Variants in SMCO3 observed in about 807,000 individuals in gnomAD.
SMCO3 encodes the protein single-pass membrane and coiled-coil domain-containing protein 3.
SMCO3 carries 6 observed loss-of-function variants against 12.0 expected under a neutral mutation model. The ratio of observed to expected loss-of-function variants is 0.50; its 90% CI spans 0.27 to 0.99. SMCO3 has a LOEUF of 0.99. SMCO3 is among the 50% of genes least tolerant of loss of function. SMCO3 has a pLI of 0.11. For missense variants in SMCO3, 279 were observed against 265.0 expected (o/e 1.05, Z -0.37); for synonymous variants, 96 against 96.4 (o/e 1.00, Z 0.02).
chr12:14,814,061 AT>A (rs1950181639), intron 1 of SMCO3, 64 bp downstream of exon 1: 2 of 152,196 alleles, frequency 1.3e-5, no homozygotes, highest in South Asian at 2.1e-4. Flanking sequence ...GCTAATTCAA[AT>A]TCCTCCTACT....
chr12:14,810,057 A>G (rs1450709379), intron 1 of SMCO3, among the ~76,000 whole-genome samples: 1 of 152,200 alleles, frequency 6.6e-6, no homozygotes, highest in Non-Finnish European at 1.5e-5. Context: ...TCGTTCCAAT[A>G]ACGAGTTTGG....
chr12:14,808,050 C>G (rs1950080365), intron 1 of SMCO3, among the ~76,000 whole-genome samples: 1 of 152,090 alleles, frequency 6.6e-6, no homozygotes, highest in African/African-American at 2.4e-5. Flanking sequence ...CCTGTAATCC[C>G]AGCTACTCTG....
Position 14,805,928 on chromosome 12 carries a change from A to T in SMCO3, c.*75T>A, listed in dbSNP as rs1950040504. ...CCATATTGGAAGCCTATAGAAAATG[A>T]ACCTAATCAAAGAAGCAAACACTGT... On this transcript the variant is annotated 3_prime_UTR_variant, in exon 2 of 2. Coordinates refer to ENST00000316048, the MANE Select transcript of SMCO3 (RefSeq NM_001013698.2). 1 of 1,400,476 alleles carries T rather than the reference A, an allele frequency of 7.1e-7. No homozygotes were observed. The highest frequency in any genetic ancestry group is 9.7e-7 in the Non-Finnish European group (1 of 1,027,020). 86.8% of individuals were successfully genotyped at this position (1,400,476 alleles called of 1,614,324 possible).
chr12:14,811,102 T>A (rs1472472840), intron 1 of SMCO3, among the ~76,000 whole-genome samples: 2 of 152,238 alleles, frequency 1.3e-5, no homozygotes, highest in African/African-American at 4.8e-5. Context: ...ACCTATTGTA[T>A]GGTAAGTTTG....
intron 1 of SMCO3, among the ~76,000 whole-genome samples, chr12:14,808,829 A>G (rs1443750649): frequency 1.3e-5 from 2 of 152,214 alleles, no homozygotes; most frequent in African/African-American, 2.4e-5. Context: ...ACACATTTCC[A>G]CAAAACAATA....
intron 1 of SMCO3, among the ~76,000 whole-genome samples, chr12:14,808,394 G>A (rs184385878): frequency 2.0e-5 from 3 of 151,850 alleles, no homozygotes; most frequent in Admixed American, 2.0e-4. Flanking sequence ...TTACACTCTT[G>A]AGAGAAAAGA....
chr12:14,808,746 A>G (rs1387538876), intron 1 of SMCO3, among the ~76,000 whole-genome samples: 1 of 152,218 alleles, frequency 6.6e-6, no homozygotes, highest in African/African-American at 2.4e-5. Flanking sequence ...CCATGGTCAG[A>G]AATTAATTTT....
In SMCO3 at chr12:14,804,957, T is replaced by G. The variant is rs1565677392; in HGVS notation, c.*1046A>C. ...TTGTCAGTATAGACTAAAAGAGTCC[T>G]CATGGGAATTATTGGTTGGCAAAGG... On this transcript the variant is annotated 3_prime_UTR_variant, in exon 2 of 2. Transcript: ENST00000316048. The G allele has an allele frequency of 6.6e-6, 1 of 152,238 alleles. No homozygotes were observed. The highest frequency in any genetic ancestry group is 1.5e-5 in the Non-Finnish European group (1 of 68,050). 9.4% of individuals were successfully genotyped at this position (152,238 alleles called of 1,614,324 possible).
At position 14,805,738 on chromosome 12, in the gene SMCO3, A is replaced by G. The variant is rs774419774; in HGVS notation, c.*265T>C. On this transcript the variant is annotated 3_prime_UTR_variant, in exon 2 of 2. Coordinates refer to ENST00000316048, the MANE Select transcript of SMCO3 (RefSeq NM_001013698.2). ...CTACTCTACGATAGCATTTACCCCA[A>G]TGTTGATCTGGTAGAGCAGGGTGTG... 6 of 419,680 alleles carry G rather than the reference A, an allele frequency of 1.4e-5. No homozygotes were observed. The highest frequency in any genetic ancestry group is 9.1e-5 in the South Asian group (2 of 21,906). 26.0% of individuals were successfully genotyped at this position (419,680 alleles called of 1,614,324 possible). A position where few individuals can be genotyped will look rare whatever the true frequency, so the allele number is the denominator to read the frequency against.
intron 1 of SMCO3, among the ~76,000 whole-genome samples, chr12:14,810,811 C>A (rs1950124604): frequency 6.6e-6 from 1 of 152,162 alleles, no homozygotes; most frequent in Admixed American, 6.5e-5. Flanking sequence ...AGTATTTTCG[C>A]TATTGCCCTT....
chr12:14,811,927 A>G (rs1348757012), intron 1 of SMCO3, among the ~76,000 whole-genome samples: 2 of 152,230 alleles, frequency 1.3e-5, no homozygotes, highest in Non-Finnish European at 2.9e-5. Flanking sequence ...ATTAAAAGTG[A>G]ACGGTTTGGT....
chr12:14,809,905 G>T (rs1017290279), intron 1 of SMCO3, among the ~76,000 whole-genome samples: 1 of 152,166 alleles, frequency 6.6e-6, no homozygotes, highest in African/African-American at 2.4e-5. Flanking sequence ...GGTGGGAAAA[G>T]TTCAGTCTTA....
chr12:14,811,876 A>G (rs534179502), intron 1 of SMCO3, among the ~76,000 whole-genome samples: 74 of 152,322 alleles, frequency 4.9e-4, no homozygotes, highest in Non-Finnish European at 7.2e-4. Context: ...GGAGAATGCA[A>G]TATATGATTT....
At position 14,806,639 on chromosome 12, in the gene SMCO3, C is replaced by G. The variant is rs750630915; in HGVS notation, c.42G>C (p.Arg14Ser). Residue 14 changes from arginine to serine, a missense_variant, in exon 2 of 2, where the codon AGG (arginine) becomes AGC (serine). Arg to Ser is a moderately radical substitution (Grantham distance 110). Transcript: ENST00000316048. ...GGTGAAGACGATTTACTTCTTCCCG[C>G]CTTTTTGGGTTCTCTGGGTAAAGGA... The part of the protein sequence containing the change: ...SDFLYPENPK[R>S]REEVNRLHQQ... 4.3e-6 allele frequency: 7 copies of G among 1,610,524 alleles called. No homozygotes were observed. The highest frequency in any genetic ancestry group is 1.3e-5 in the African/African-American group (1 of 74,678).
intron 1 of SMCO3, among the ~76,000 whole-genome samples, chr12:14,810,347 T>C (rs1030119477): frequency 6.6e-6 from 1 of 152,144 alleles, no homozygotes; most frequent in African/African-American, 2.4e-5. Flanking sequence ...AGTGAAACCA[T>C]TGAATTGTGT....
chr12:14,809,476 T>C (rs978779724), intron 1 of SMCO3, among the ~76,000 whole-genome samples: 2 of 152,066 alleles, frequency 1.3e-5, no homozygotes, highest in Non-Finnish European at 2.9e-5. Context: ...ATGGAACAAA[T>C]TAGTCCCCAA....
Position 14,806,044 on chromosome 12 carries a change from T to G in SMCO3, c.637A>C (p.Ile213Leu), listed in dbSNP as rs1269672953. 6.2e-7 allele frequency: 1 copy of G among 1,614,160 alleles called. No homozygotes were observed. Among genetic ancestry groups the G allele is most frequent in the Non-Finnish European group, 8.5e-7 (1 of 1,180,012 alleles). ...KSASEKYNHA[I>L]TEVINTVKHQ... ...TTCACTGTATTGATGACCTCAGTAA[T>G]GGCATGATTATATTTTTCTGAGGCT... The change falls in exon 2 of 2, where the codon ATT becomes CTT. Residue 213 changes from isoleucine to leucine, a missense_variant. Transcript: ENST00000316048.
In SMCO3 at chr12:14,805,469, C is replaced by T. The variant is rs1470080882; in HGVS notation, c.*534G>A. On this transcript the variant is annotated 3_prime_UTR_variant, in exon 2 of 2. Transcript: ENST00000316048. ...CTGTCCTAATTGAAGCACATTGTTA[C>T]AAACCATTTTTCAGTCTCTTCTAGT... The T allele has an allele frequency of 6.6e-6, 1 of 152,590 alleles. No individual in the cohort carries two copies. 9.5% of individuals were successfully genotyped at this position (152,590 alleles called of 1,614,324 possible).
chr12:14,813,649 A>G (rs1950174272), intron 1 of SMCO3, among the ~76,000 whole-genome samples: 1 of 152,200 alleles, frequency 6.6e-6, no homozygotes, highest in South Asian at 2.1e-4. Context: ...CACACAGCAA[A>G]TGCTCAGAGA....
Sources: allele counts gnomAD v4.1 joint callset (sites outside exome capture counted in the v4.1 genomes callset), GRCh38; gene constraint gnomAD v4.1.1; transcripts MANE v1.5; gene names NCBI Gene and HGNC (gene_info 2026-07-23, HGNC 2026-07-21).